ANO3: variants seen among roughly 807,000 people sequenced by gnomAD.
ANO3 encodes the protein anoctamin 3, also known as anoctamin-3.
In ANO3, 99 loss-of-function variants were observed where a neutral mutation model predicts 144.8. That is an observed-to-expected ratio of 0.68 (90% confidence interval 0.58 to 0.81). The LOEUF is 0.81. Ranked by LOEUF, ANO3 falls within the 30% of genes least tolerant of loss-of-function variation. ANO3 has a pLI of 0.00. For synonymous variants in ANO3, 414 were observed against 392.6 expected (o/e 1.05, Z -0.64); for missense variants, 905 against 1,202.2 (o/e 0.75, Z 3.66).
At chr11:26,356,028 A>G (rs950406502) in intron 1 of ANO3, among the ~76,000 whole-genome samples, 1 of 151,938 alleles carries the variant, frequency 6.6e-6, no homozygotes, top group Non-Finnish European at 1.5e-5. Flanking sequence ...AATTTTATCC[A>G]TTTCCTTTCT....
chr11:26,192,200 A>G (rs1363982008), intron 1 of ANO3, among the ~76,000 whole-genome samples: 2 of 152,216 alleles, frequency 1.3e-5, no homozygotes, highest in Non-Finnish European at 2.9e-5. Context: ...TTGAAACTTT[A>G]TGGAACATTG....
chr11:26,487,865 T>A (rs1033537440), intron 4 of ANO3, among the ~76,000 whole-genome samples: 5 of 152,154 alleles, frequency 3.3e-5, no homozygotes, highest in African/African-American at 1.2e-4. Flanking sequence ...ATTTAGGTGC[T>A]ATTAAAAGCA....
intron 3 of ANO3, among the ~76,000 whole-genome samples, chr11:26,453,622 T>A (rs1266230546): frequency 6.6e-6 from 1 of 151,838 alleles, no homozygotes; most frequent in Non-Finnish European, 1.5e-5. Context: ...CTCCCACACA[T>A]TAATAATGGG....
intron 4 of ANO3, among the ~76,000 whole-genome samples, chr11:26,487,635 G>T (rs1041165779): frequency 6.6e-6 from 1 of 152,106 alleles, no homozygotes; most frequent in Non-Finnish European, 1.5e-5. Context: ...AAAAAATGCC[G>T]ATAGTGATAT....
chr11:26,266,811 G>A (rs886801173), intron 1 of ANO3, among the ~76,000 whole-genome samples: 4 of 151,642 alleles, frequency 2.6e-5, no homozygotes, highest in Non-Finnish European at 5.9e-5. Flanking sequence ...GCCGGGTGTG[G>A]TGGCTCACAT....
intron 1 of ANO3, among the ~76,000 whole-genome samples, chr11:26,428,316 C>T (rs72886227): frequency 0.04 from 6,134 of 152,098 alleles, 138 homozygotes; most frequent in Non-Finnish European, 0.05. Flanking sequence ...AAATTATTTC[C>T]GGGAAAATTG....
intron 1 of ANO3, among the ~76,000 whole-genome samples, chr11:26,273,983 T>C (rs1393285158): frequency 6.6e-6 from 1 of 152,044 alleles, no homozygotes; most frequent in South Asian, 2.1e-4. Context: ...ACTGGCAAAA[T>C]GATTAGCCAT....
upstream of ANO3, among the ~76,000 whole-genome samples, chr11:26,331,000 G>T (rs566653327): frequency 2.6e-5 from 4 of 152,172 alleles, no homozygotes; most frequent in Non-Finnish European, 5.9e-5. Context: ...AGAACTTAGG[G>T]CTTTGAATCA....
chr11:26,241,594 T>C (rs1265612559), intron 1 of ANO3, among the ~76,000 whole-genome samples: 4 of 152,192 alleles, frequency 2.6e-5, no homozygotes, highest in African/African-American at 7.2e-5. Context: ...AAGAAAGATA[T>C]AGACTAATAA....
At chr11:26,359,879 G>A (rs1446434519) in intron 1 of ANO3, among the ~76,000 whole-genome samples, 1 of 150,930 alleles carries the variant, frequency 6.6e-6, no homozygotes. Flanking sequence ...TCAGACTAGT[G>A]TGTGTGTGTG....
At chr11:26,455,392 C>A (rs930879205) in intron 3 of ANO3, among the ~76,000 whole-genome samples, 2 of 151,486 alleles carry the variant, frequency 1.3e-5, no homozygotes, top group Non-Finnish European at 2.9e-5. Flanking sequence ...GATACAAAAT[C>A]AATGTACAAA....
At chr11:26,275,084 ATTCT>A (rs1313853201) in intron 1 of ANO3, among the ~76,000 whole-genome samples, 6 of 151,972 alleles carry the variant, frequency 3.9e-5, no homozygotes, top group Non-Finnish European at 7.4e-5. Context: ...TTTTCTGTAA[ATTCT>A]TTGATTTTAA....
chr11:26,266,285 T>G (rs529577937), intron 1 of ANO3, among the ~76,000 whole-genome samples: 1 of 152,258 alleles, frequency 6.6e-6, no homozygotes, highest in South Asian at 2.1e-4. Context: ...GACTCAGATT[T>G]TAAAGGTTTA....
upstream of ANO3, chr11:26,332,079 A>C: frequency 6.9e-7 from 1 of 1,441,616 alleles, no homozygotes; most frequent in Non-Finnish European, 9.1e-7. Context: ...GCCGGACGCT[A>C]GACCGCCCTC....
intron 4 of ANO3, among the ~76,000 whole-genome samples, chr11:26,464,875 G>A (rs1220402333): frequency 1.3e-5 from 2 of 151,736 alleles, no homozygotes; most frequent in African/African-American, 4.8e-5. Context: ...CCATTTTATA[G>A]TTTTGAGTGC....
In ANO3 at chr11:26,340,157, C is replaced by T. The variant is rs574518280; in HGVS notation, c.46+7836C>T. 3.3e-5 allele frequency among the ~76,000 whole-genome samples: 5 copies of T among 151,496 alleles called. No homozygotes were observed. The South Asian group carries it at 8.3e-4, about 25-fold the overall frequency. On this transcript the variant is annotated intron_variant, in intron 1 of 26. Coordinates refer to ENST00000256737, the MANE Select transcript of ANO3 (RefSeq NM_031418.4). ...GTTACTAGGCTGACCAAAGGCATTT[C>T]CTAAAAATAACTCCTAAAGTTGTGT... is the stretch of plus-strand genomic sequence containing the variant.
intron 18 of ANO3, among the ~76,000 whole-genome samples, chr11:26,629,012 A>G (rs964711003): frequency 1.3e-5 from 2 of 151,790 alleles, no homozygotes; most frequent in Non-Finnish European, 2.9e-5. Context: ...TGCATATCCA[A>G]TCTCCTCTTG....
At chr11:26,592,616 C>A (rs61878569) in intron 14 of ANO3, among the ~76,000 whole-genome samples, 19,936 of 147,776 alleles carry the variant, frequency 0.13, 1,658 homozygotes, top group Non-Finnish European at 0.17. Context: ...TGGGTAATGG[C>A]CTGTTCTTTG....
intron 1 of ANO3, among the ~76,000 whole-genome samples, chr11:26,256,204 G>C (rs118142816): frequency 2.0e-5 from 3 of 152,244 alleles, no homozygotes; most frequent in Admixed American, 1.3e-4. Context: ...TTTTGAAAAT[G>C]TCTTAGCACT....
Sources: allele counts gnomAD v4.1 joint callset (sites outside exome capture counted in the v4.1 genomes callset), GRCh38; gene constraint gnomAD v4.1.1; transcripts MANE v1.5; gene names NCBI Gene and HGNC (gene_info 2026-07-23, HGNC 2026-07-21).